Variants in PAK3 observed in about 807,000 individuals in gnomAD.
PAK3 encodes serine/threonine-protein kinase PAK 3.
PAK3 carries 4 observed loss-of-function variants against 41.0 expected under a neutral mutation model. The observed-to-expected ratio is 0.10, with a 90% CI of 0.05 to 0.22. PAK3 has a LOEUF of 0.22. Among genes scored for constraint, PAK3 ranks in the 10% least tolerant of loss-of-function variants. PAK3 has a pLI of 1.00. For missense variants in PAK3, 205 were observed against 409.9 expected, an observed-to-expected ratio of 0.50 and a Z score of 4.32; for synonymous variants, 146 against 139.6, an observed-to-expected ratio of 1.05 and a Z score of -0.32.
In PAK3 at chrX:111,221,883, G is replaced by A. The variant is rs928934686; in HGVS notation, c.*1436G>A. Reference sequence around the variant, plus strand: ...AACTTACAATCATATCCCAAGAAATGTCAGTCCGACAGAATTCCTTATATG... The same window carrying A: ...AACTTACAATCATATCCCAAGAAATATCAGTCCGACAGAATTCCTTATATG... On this transcript the variant is annotated 3_prime_UTR_variant, in exon 18 of 18. Coordinates refer to ENST00000372007, the MANE Select transcript of PAK3 (RefSeq NM_002578.5). The A allele has an allele frequency of 2.7e-5, 3 of 111,945 alleles. No homozygotes were observed. Among genetic ancestry groups the A allele is most frequent in the African/African-American group, 9.7e-5 (3 of 30,815 alleles). The allele number at this position is 111,945 out of a possible 1,213,427, so 9.2% of individuals were successfully genotyped here.
chrX:110,962,988 C>A (rs1185629556), intron 1 of PAK3, among the ~76,000 whole-genome samples: 1 of 111,271 alleles, frequency 9.0e-6, no homozygotes, highest in Non-Finnish European at 1.9e-5. Context: ...TGTTGTAAGG[C>A]CCTTTCTCTG....
At chrX:111,173,233 G>C in intron 11 of PAK3, 152 bp downstream of exon 11, 4 of 445,189 alleles carry the variant, frequency 9.0e-6, no homozygotes, top group Non-Finnish European at 1.6e-5. Flanking sequence ...GCCTTTCAGG[G>C]GGAGTGCTGA....
intron 8 of PAK3, among the ~76,000 whole-genome samples, chrX:111,159,665 A>G (rs918443040): frequency 8.9e-5 from 10 of 111,931 alleles, no homozygotes; most frequent in Non-Finnish European, 1.3e-4. Context: ...GCAAGAAGAA[A>G]GTGATTTTTT....
intron 1 of PAK3, among the ~76,000 whole-genome samples, chrX:111,034,980 A>G (rs1370857472): frequency 9.3e-6 from 1 of 107,262 alleles, no homozygotes; most frequent in Non-Finnish European, 1.9e-5. Flanking sequence ...ATGGTGTCCA[A>G]CTGTTGTCCC....
chrX:111,127,122 G>A (rs1425924928), intron 5 of PAK3, among the ~76,000 whole-genome samples: 1 of 111,813 alleles, frequency 8.9e-6, no homozygotes. Context: ...AATGCATACA[G>A]CTTTGTTGCT....
At chrX:110,998,697 G>A (rs1459446168) in intron 1 of PAK3, among the ~76,000 whole-genome samples, 2 of 112,217 alleles carry the variant, frequency 1.8e-5, no homozygotes, top group African/African-American at 3.2e-5. Flanking sequence ...TAAGCTTATT[G>A]AGGGCAAGGA....
chrX:111,213,698 G>T (rs988602541), intron 16 of PAK3, among the ~76,000 whole-genome samples: 1 of 111,806 alleles, frequency 8.9e-6, no homozygotes, highest in Non-Finnish European at 1.9e-5. Context: ...AGTGACTTTG[G>T]GGAAGTTGTA....
rs1482550330 is a variant in PAK3 at position 110,999,474 on chromosome X, A to G, written c.-28+54846A>G. On this transcript the variant is annotated intron_variant, in intron 1 of 14. Coordinates refer to the PAK3 transcript ENST00000425146. ...CATAGGAGGTGCTCGGCAAGTTTTG[A>G]ATAAATAAACCCCTTGGGACTGAGG... Among the ~76,000 whole-genome samples the G allele has an allele frequency of 2.7e-5, 3 of 110,587 alleles. No homozygotes were observed. The East Asian group carries it at 8.6e-4, about 32-fold the overall frequency.
chrX:111,155,914 A>G (rs1459016644), intron 8 of PAK3, among the ~76,000 whole-genome samples: 3 of 112,183 alleles, frequency 2.7e-5, no homozygotes, highest in Non-Finnish European at 5.6e-5. Context: ...AGGCGGAACC[A>G]AATCATACAG....
chrX:111,094,934 C>T (rs1166499930), upstream of PAK3, among the ~76,000 whole-genome samples: 2 of 110,915 alleles, frequency 1.8e-5, no homozygotes, highest in Non-Finnish European at 3.8e-5. Flanking sequence ...GGTGATCCGC[C>T]CGCCTGGGCT....
intron 7 of PAK3, 126 bp downstream of exon 7, chrX:111,148,016 T>A: frequency 3.7e-6 from 2 of 537,864 alleles, no homozygotes; most frequent in Admixed American, 3.4e-5. Context: ...GACATCAACA[T>A]AAGGAAACCA....
rs2093601079 is a variant in PAK3, at chrX:111,123,024, G to A, written c.-27-53G>A. 14 of 699,712 alleles carry A rather than the reference G, an allele frequency of 2.0e-5. 1 individual carries two copies. In the Admixed American group the frequency reaches 3.1e-4, roughly 16 times the overall value. 57.7% of individuals were successfully genotyped at this position (699,712 alleles called of 1,213,427 possible). On this transcript the variant is annotated intron_variant, in intron 4 of 17. Coordinates refer to ENST00000372007, the MANE Select transcript of PAK3 (RefSeq NM_002578.5). Reference sequence around the variant, plus strand: ...GATGTTAGAATCCACATATTTATTAGGTTTTTAGACCTCTTCTCCCTCAAC... The same window carrying A: ...GATGTTAGAATCCACATATTTATTAAGTTTTTAGACCTCTTCTCCCTCAAC...
At chrX:111,119,112 G>T (rs887698511) in intron 4 of PAK3, among the ~76,000 whole-genome samples, 3 of 111,139 alleles carry the variant, frequency 2.7e-5, no homozygotes, top group African/African-American at 9.8e-5. Context: ...GAAAGAGAGA[G>T]GTAATCTCTC....
In PAK3 at chrX:111,114,372, C is replaced by A. The variant is rs192783995; in HGVS notation, c.-27-8705C>A. On this transcript the variant is annotated intron_variant, in intron 4 of 17. Transcript: ENST00000372007. ...TATTTGTGGTTCAAGTAAATGAATTCATGCACAGATGGGTTACTTAAGGGG... is the reference window on the plus strand; with the variant it reads ...TATTTGTGGTTCAAGTAAATGAATTAATGCACAGATGGGTTACTTAAGGGG... Among the ~76,000 whole-genome samples, 33 of 112,128 alleles carry A rather than the reference C, an allele frequency of 2.9e-4. 1 individual carries two copies. In the East Asian group the frequency reaches 7.9e-3, roughly 27 times the overall value.
intron 1 of PAK3, among the ~76,000 whole-genome samples, chrX:110,977,108 A>T (rs915832747): frequency 2.7e-5 from 3 of 110,088 alleles, no homozygotes; most frequent in African/African-American, 6.6e-5. Flanking sequence ...AGAGTATAAT[A>T]AAAAAAAATC....
At chrX:111,062,015 G>A (rs970214528) in intron 1 of PAK3, among the ~76,000 whole-genome samples, 1 of 110,585 alleles carries the variant, frequency 9.0e-6, no homozygotes, top group South Asian at 3.9e-4. Context: ...ACAGGGTCTC[G>A]CTATGTTGTC....
chrX:111,007,248 C>T (rs1314970691), intron 1 of PAK3, among the ~76,000 whole-genome samples: 1 of 111,373 alleles, frequency 9.0e-6, no homozygotes, highest in Admixed American at 9.6e-5. Context: ...GTGAGGGATT[C>T]AGAAAGTCTG....
chrX:110,986,743 C>T (rs1220610771), intron 1 of PAK3, among the ~76,000 whole-genome samples: 1 of 101,878 alleles, frequency 9.8e-6, no homozygotes, highest in Non-Finnish European at 2.0e-5. Context: ...ATTTCATTTT[C>T]ACCAAGTGTA....
intron 1 of PAK3, among the ~76,000 whole-genome samples, chrX:111,049,135 C>G (rs763114460): frequency 2.7e-5 from 3 of 111,577 alleles, no homozygotes; most frequent in African/African-American, 9.8e-5. Context: ...GAATGTTCTT[C>G]CCCTAGATCT....
Sources: gnomAD v4.1 joint callset for allele counts (sites outside exome capture counted in the v4.1 genomes callset) on GRCh38, gnomAD v4.1.1 for gene constraint, MANE v1.5 for transcripts, NCBI Gene and HGNC (gene_info 2026-07-23, HGNC 2026-07-21) for gene names.